ACOXL: variants seen among roughly 807,000 people sequenced by gnomAD.
The protein encoded by ACOXL is acyl-CoA oxidase like, also known as acyl-coenzyme A oxidase-like protein.
In ACOXL, 70 loss-of-function variants were observed where a neutral mutation model predicts 71.9. The observed-to-expected ratio is 0.97, with a 90% CI of 0.80 to 1.19. The LOEUF is 1.19. Among genes scored for constraint, ACOXL ranks in the 50% most tolerant of loss-of-function variants. The pLI is 0.00. For synonymous variants in ACOXL, 253 were observed against 281.6 expected (o/e 0.90, Z 1.02); for missense variants, 703 against 736.3 (o/e 0.95, Z 0.52).
At chr2:110,765,850 G>T (rs962612132) in intron 1 of ACOXL, among the ~76,000 whole-genome samples, 1 of 152,148 alleles carries the variant, frequency 6.6e-6, no homozygotes, top group Non-Finnish European at 1.5e-5. Context: ...CATTTTGGAG[G>T]ACATACAAAC....
chr2:111,084,302 C>G (rs954612410), intron 16 of ACOXL, among the ~76,000 whole-genome samples: 2 of 138,566 alleles, frequency 1.4e-5, no homozygotes, highest in Non-Finnish European at 3.2e-5. Flanking sequence ...CACACACACA[C>G]ACACACAAGA....
chr2:110,754,680 G>C (rs1679438616), intron 1 of ACOXL, among the ~76,000 whole-genome samples: 1 of 152,138 alleles, frequency 6.6e-6, no homozygotes, highest in Non-Finnish European at 1.5e-5. Context: ...CCTTTTAATT[G>C]TTGAGTAGTA....
intron 8 of ACOXL, 147 bp from the exon 9 acceptor site, chr2:110,805,116 C>T: frequency 2.9e-6 from 3 of 1,025,810 alleles, no homozygotes; most frequent in Non-Finnish European, 4.3e-6. Context: ...CTCCCCCTGC[C>T]CTTATCGGCG....
chr2:110,917,437 A>G (rs938214021), intron 11 of ACOXL, among the ~76,000 whole-genome samples: 6 of 152,258 alleles, frequency 3.9e-5, no homozygotes, highest in Non-Finnish European at 4.4e-5. Context: ...ACAAACCCAC[A>G]GCCACTATCA....
intron 14 of ACOXL, among the ~76,000 whole-genome samples, chr2:111,029,060 A>G (rs56068469): frequency 0.15 from 22,209 of 152,232 alleles, 1,730 homozygotes; most frequent in Middle Eastern, 0.23. Flanking sequence ...TGAAGATCTT[A>G]ATAAAATCTA....
At chr2:110,775,624 A>G (rs1238108371) in intron 2 of ACOXL, among the ~76,000 whole-genome samples, 1 of 152,256 alleles carries the variant, frequency 6.6e-6, no homozygotes. Context: ...CAAATGGCCA[A>G]TAAACACATA....
At chr2:110,883,107 G>GTTTTTTTTTTT (rs34915436) in intron 10 of ACOXL, among the ~76,000 whole-genome samples, 1 of 109,266 alleles carries the variant, frequency 9.2e-6, no homozygotes, top group Non-Finnish European at 1.8e-5. Flanking sequence ...TTTGTCACTG[G>GTTTTTTTTTTT]TTTTTTTTTT....
At chr2:111,005,432 A>C (rs1048802780) in intron 14 of ACOXL, among the ~76,000 whole-genome samples, 1 of 152,210 alleles carries the variant, frequency 6.6e-6, no homozygotes, top group Non-Finnish European at 1.5e-5. Flanking sequence ...TATTAGAAAC[A>C]TAACTTTCTA....
At chr2:111,088,116 G>A (rs147527044) in intron 16 of ACOXL, among the ~76,000 whole-genome samples, 179 of 152,262 alleles carry the variant, frequency 1.2e-3, no homozygotes, top group African/African-American at 4.1e-3. Context: ...CAGTCAAAAT[G>A]GCTGTTATTA....
intron 17 of ACOXL, among the ~76,000 whole-genome samples, chr2:111,096,793 T>C (rs2068827346): frequency 6.6e-6 from 1 of 152,186 alleles, no homozygotes; most frequent in African/African-American, 2.4e-5. Flanking sequence ...TAATTTTCCT[T>C]TGAAAGGCCT....
At chr2:111,079,887 AT>A (rs2067812225) in intron 16 of ACOXL, among the ~76,000 whole-genome samples, 1 of 151,180 alleles carries the variant, frequency 6.6e-6, no homozygotes, top group Admixed American at 6.6e-5. Context: ...AAAAAAAAAA[AT>A]CTTTGATTTC....
chr2:111,064,166 G>C (rs1017897003), intron 16 of ACOXL, among the ~76,000 whole-genome samples: 6 of 152,206 alleles, frequency 3.9e-5, no homozygotes, highest in African/African-American at 1.4e-4. Flanking sequence ...GCGGGGCACA[G>C]TGGCTCACGC....
In ACOXL at chr2:110,782,440, A is replaced by G. The variant is rs186485102; in HGVS notation, c.76-2292A>G. Among the ~76,000 whole-genome samples, 275 of 152,372 alleles carry G rather than the reference A, an allele frequency of 1.8e-3. 1 individual carries two copies. Among genetic ancestry groups the G allele is most frequent in the African/African-American group, 6.2e-3 (257 of 41,596 alleles). ...AGTCATTCTTATTAAGCTTATTCTC[A>G]GTTCTGGAACTTTGGTTTGGCATCT... On this transcript the variant is annotated intron_variant, in intron 2 of 17. Coordinates refer to ENST00000439055, the MANE Select transcript of ACOXL (RefSeq NM_001142807.4).
chr2:110,771,494 G>C (rs1009294584), intron 2 of ACOXL, among the ~76,000 whole-genome samples: 1 of 152,172 alleles, frequency 6.6e-6, no homozygotes, highest in African/African-American at 2.4e-5. Context: ...GATGTTCTAG[G>C]GGACAAATAA....
intron 10 of ACOXL, among the ~76,000 whole-genome samples, chr2:110,885,068 G>A (rs986563278): frequency 3.9e-5 from 6 of 152,132 alleles, no homozygotes; most frequent in African/African-American, 1.4e-4. Flanking sequence ...AGGAAGGTAC[G>A]CAAAAGTGTT....
intron 11 of ACOXL, among the ~76,000 whole-genome samples, chr2:110,919,608 C>A (rs1219650885): frequency 6.6e-6 from 1 of 151,910 alleles, no homozygotes; most frequent in East Asian, 1.9e-4. Context: ...TAGGTTTTGA[C>A]AAAGACACAG....
intron 15 of ACOXL, among the ~76,000 whole-genome samples, chr2:111,039,389 C>G (rs1051275659): frequency 6.7e-6 from 1 of 148,590 alleles, no homozygotes; most frequent in Non-Finnish European, 1.5e-5. Context: ...GGCTTTTACT[C>G]GAAACATGAG....
intron 12 of ACOXL, among the ~76,000 whole-genome samples, chr2:110,948,309 T>C (rs991957181): frequency 6.6e-6 from 1 of 152,208 alleles, no homozygotes; most frequent in African/African-American, 2.4e-5. Context: ...AATGATTGCA[T>C]AGGGAACGCT....
At chr2:111,105,035 G>A (rs955117641) in intron 17 of ACOXL, among the ~76,000 whole-genome samples, 3 of 151,906 alleles carry the variant, frequency 2.0e-5, no homozygotes, top group African/African-American at 7.2e-5. Flanking sequence ...ATTCCTTTTT[G>A]CTTGTTGGTT....
Sources: allele counts gnomAD v4.1 joint callset (sites outside exome capture counted in the v4.1 genomes callset), GRCh38; gene constraint gnomAD v4.1.1; transcripts MANE v1.5; gene names NCBI Gene and HGNC (gene_info 2026-07-23, HGNC 2026-07-21).